ANXA2: variants seen among roughly 807,000 people sequenced by gnomAD.
ANXA2 encodes the protein annexin II.
ANXA2 carries 28 observed loss-of-function variants against 47.3 expected under a neutral mutation model. The ratio of observed to expected loss-of-function variants is 0.59; its 90% CI spans 0.44 to 0.81. The LOEUF (loss-of-function observed/expected upper bound fraction) is 0.81, where lower values mean the gene tolerates loss of function less well. Among genes scored for constraint, ANXA2 ranks in the 40% least tolerant of loss-of-function variants. ANXA2 has a pLI of 0.00. For missense variants in ANXA2, 384 were observed against 414.3 expected (o/e 0.93, Z 0.64); for synonymous variants, 172 against 155.5 (o/e 1.11, Z -0.79).
intron 2 of ANXA2, chr15:60,383,194 A>T (rs370409355): frequency 6.6e-6 from 1 of 152,450 alleles, no homozygotes; most frequent in East Asian, 1.9e-4. Flanking sequence ...TGGTGTGATC[A>T]TGGCTCAGTG....
At chr15:60,357,909 T>C in intron 5 of ANXA2, among the ~76,000 whole-genome samples, 1 of 152,222 alleles carries the variant, frequency 6.6e-6, no homozygotes, top group Middle Eastern at 3.2e-3. Context: ...TATTATTATT[T>C]TTCACTTTCT....
chr15:60,359,840 C>T (rs1453551113), intron 5 of ANXA2, among the ~76,000 whole-genome samples: 7 of 152,208 alleles, frequency 4.6e-5, no homozygotes, highest in African/African-American at 1.7e-4. Flanking sequence ...AGACTTTACC[C>T]ATGTATATCA....
chr15:60,388,665 G>A (rs959077524), intron 1 of ANXA2, among the ~76,000 whole-genome samples: 31 of 150,074 alleles, frequency 2.1e-4, no homozygotes, highest in African/African-American at 6.2e-4. Flanking sequence ...GAATTCCTGG[G>A]CTCAAGCAAT....
At chr15:60,360,047 G>A (rs575934501) in intron 5 of ANXA2, among the ~76,000 whole-genome samples, 2 of 152,242 alleles carry the variant, frequency 1.3e-5, no homozygotes, top group African/African-American at 2.4e-5. Flanking sequence ...ACCTGAGGTC[G>A]GGAGTTTGAG....
intron 2 of ANXA2, chr15:60,382,872 G>A (rs73418025): frequency 0.015 from 2,407 of 156,816 alleles, 73 homozygotes; most frequent in African/African-American, 0.056. Flanking sequence ...ATTTCTACTG[G>A]GCCAGTGTTG....
chr15:60,388,712 G>A (rs1432273749), intron 1 of ANXA2, among the ~76,000 whole-genome samples: 1 of 150,980 alleles, frequency 6.6e-6, no homozygotes. Context: ...TGAGATTACA[G>A]GGGTTAGCCA....
intron 11 of ANXA2, among the ~76,000 whole-genome samples, chr15:60,350,536 A>G (rs1479603452): frequency 6.6e-6 from 1 of 152,212 alleles, no homozygotes; most frequent in Admixed American, 6.5e-5. Context: ...CAGATGGCAG[A>G]GGCAGCACAG....
At chr15:60,350,350 C>G (rs990504927) in intron 11 of ANXA2, among the ~76,000 whole-genome samples, 30 of 152,116 alleles carry the variant, frequency 2.0e-4, no homozygotes, top group African/African-American at 6.3e-4. Context: ...CAGTCTGAGT[C>G]TCCATATGTA....
intron 3 of ANXA2, among the ~76,000 whole-genome samples, chr15:60,365,994 G>A (rs1028738416): frequency 2.1e-5 from 3 of 142,456 alleles, no homozygotes; most frequent in Non-Finnish European, 3.1e-5. Context: ...GATTGCAGGC[G>A]CGCGCCGCCA....
At chr15:60,391,318 G>T (rs534629486) in intron 1 of ANXA2, 1 of 152,460 alleles carries the variant, frequency 6.6e-6, no homozygotes, top group South Asian at 2.1e-4. Context: ...TTAGTTAAGG[G>T]CTTAACAGGG....
intron 11 of ANXA2, among the ~76,000 whole-genome samples, chr15:60,350,448 A>C (rs1895957669): frequency 6.6e-6 from 1 of 152,176 alleles, no homozygotes; most frequent in Non-Finnish European, 1.5e-5. Context: ...TGATATGTGC[A>C]ATAAAGACCA....
At chr15:60,348,482 C>A (rs1028762722) in intron 12 of ANXA2, among the ~76,000 whole-genome samples, 4 of 152,202 alleles carry the variant, frequency 2.6e-5, no homozygotes, top group South Asian at 2.1e-4. Flanking sequence ...CAGTGGCTCA[C>A]GCCTGTCATC....
intron 3 of ANXA2, among the ~76,000 whole-genome samples, chr15:60,365,832 CT>C: frequency 1.3e-5 from 1 of 76,922 alleles, no homozygotes; most frequent in African/African-American, 6.0e-5. Context: ...CTGAGTCTCC[CT>C]CTCCCTCTCC....
intron 3 of ANXA2, among the ~76,000 whole-genome samples, chr15:60,365,401 C>G (rs2062581439): frequency 1.3e-5 from 2 of 152,174 alleles, no homozygotes; most frequent in African/African-American, 4.8e-5. Context: ...TGTGAAAAGT[C>G]TCTCTCCTGA....
chr15:60,393,169 C>T, intron 1 of ANXA2: 1 of 1,242,750 alleles, frequency 8.0e-7, no homozygotes, highest in Non-Finnish European at 1.0e-6. Flanking sequence ...AGGAGGGACA[C>T]ACAGCACTTG....
At position 60,355,961 on chromosome 15, in the gene ANXA2, G is replaced by A. The variant is rs61731034; in HGVS notation, c.486C>T (p.Asp162=). ...TCAGCTTGCGGAAGTCACCAGATGT[G>A]TCCGAAATAATGTCCTTCTCCAGAT... ...KTDLEKDIIS[D]TSGDFRKLMV... is the part of the protein sequence containing the mutation. The change falls in exon 7 of 13, where the codon GAC becomes GAT. Residue 162 remains aspartate (D), a synonymous_variant. Transcript: ENST00000451270. 7.4e-5 allele frequency: 120 copies of A among 1,614,108 alleles called. No homozygotes were observed. The African/African-American group carries it at 1.4e-3, about 19-fold the overall frequency.
chr15:60,355,692 C>G (rs2062417959), intron 7 of ANXA2: 3 of 595,756 alleles, frequency 5.0e-6, no homozygotes, highest in Non-Finnish European at 9.2e-6. Context: ...CCGCCCATCC[C>G]TTCTCTGGCT....
intron 1 of ANXA2, chr15:60,393,038 C>CT: frequency 7.8e-7 from 1 of 1,286,326 alleles, no homozygotes; most frequent in Non-Finnish European, 1.0e-6. Flanking sequence ...TTATCAGAAC[C>CT]TTTTTGAAAG....
rs183645635 is a variant in ANXA2 at position 60,362,370 on chromosome 15, C to T, written c.244-1316G>A. 3.4e-3 allele frequency among the ~76,000 whole-genome samples: 517 copies of T among 152,268 alleles called. 6 individuals are homozygous for T. Among genetic ancestry groups the T allele is most frequent in the Middle Eastern group, 6.8e-3 (2 of 294 alleles). On this transcript the variant is annotated intron_variant, in intron 4 of 12. Transcript: ENST00000451270. ...TCAACTTCCTGTTTCTCACAATGTC[C>T]AGCACAGAGCTTTGCATTTAACAAA...
Sources: gnomAD v4.1 joint callset for allele counts (sites outside exome capture counted in the v4.1 genomes callset) on GRCh38, gnomAD v4.1.1 for gene constraint, MANE v1.5 for transcripts, NCBI Gene and HGNC (gene_info 2026-07-23, HGNC 2026-07-21) for gene names.